The following MON2 variants were observed in gnomAD, a reference collection of about 807,000 sequenced individuals.
MON2 encodes MON2 regulator of endosome-to-Golgi trafficking.
A neutral mutation model predicts 208.6 loss-of-function variants in MON2; 84 were observed. That is an observed-to-expected ratio of 0.40 (90% CI 0.34 to 0.48). The LOEUF (loss-of-function observed/expected upper bound fraction) is 0.48, where lower values mean the gene tolerates loss of function less well. Among genes scored for constraint, MON2 ranks in the 20% least tolerant of loss-of-function variants. The pLI, the probability that MON2 is intolerant of heterozygous loss-of-function variation, is 0.59. For missense variants in MON2, 1,611 were observed against 2,015.4 expected (o/e 0.80, Z 3.84); for synonymous variants, 660 against 694.0 (o/e 0.95, Z 0.77).
At chr12:62,480,691 T>C (rs2069371367) in intron 1 of MON2, among the ~76,000 whole-genome samples, 1 of 152,238 alleles carries the variant, frequency 6.6e-6, no homozygotes, top group African/African-American at 2.4e-5. Context: ...CTATGGCGAA[T>C]TTGAAATCAT....
intron 27 of MON2, 111 bp downstream of exon 27, chr12:62,565,491 C>A: frequency 1.1e-6 from 1 of 941,238 alleles, no homozygotes; most frequent in Non-Finnish European, 1.5e-6. Flanking sequence ...TTTTCACTCA[C>A]AAATATATTT....
At chr12:62,526,442 A>G (rs1314046379) in intron 11 of MON2, among the ~76,000 whole-genome samples, 1 of 152,108 alleles carries the variant, frequency 6.6e-6, no homozygotes, top group African/African-American at 2.4e-5. Context: ...CTGTCAGCAA[A>G]TTAATCTTTT....
At chr12:62,490,463 G>A (rs1043093314) in intron 2 of MON2, among the ~76,000 whole-genome samples, 3 of 151,872 alleles carry the variant, frequency 2.0e-5, no homozygotes, top group African/African-American at 4.8e-5. Flanking sequence ...AGGTATTTAC[G>A]TAAAGCTATC....
intron 11 of MON2, among the ~76,000 whole-genome samples, chr12:62,532,001 C>T (rs2072673197): frequency 6.6e-6 from 1 of 152,026 alleles, no homozygotes; most frequent in South Asian, 2.1e-4. Context: ...GATCTCCTGA[C>T]CTCGTGATCC....
chr12:62,565,252 C>A lies in MON2; in HGVS notation c.4048C>A (p.Pro1350Thr), dbSNP rs890450392. The change falls in exon 27 of 35, where the codon CCA becomes ACA. Residue 1350 changes from proline (P) to threonine (T), a missense_variant. Pro to Thr is a conservative substitution (Grantham distance 38, BLOSUM62 -1). Transcript: ENST00000393630. Reference protein sequence around the residue: ...DVLQKAICVGPENMQIMYPAI... With the variant: ...DVLQKAICVGTENMQIMYPAI... ...GCTTTTATAGGCCATTTGTGTAGGA[C>A]CAGAAAACATGCAGATAATGTATCC... 5.6e-6 allele frequency: 9 copies of A among 1,612,174 alleles called. No homozygotes were observed. Among genetic ancestry groups the A allele is most frequent in the Non-Finnish European group, 7.6e-6 (9 of 1,179,178 alleles).
rs1450011727 is a variant in MON2, at chr12:62,577,240, G to GT, written c.4515-1198dup. Among the ~76,000 whole-genome samples, 14 of 152,072 alleles carry GT rather than the reference G, an allele frequency of 9.2e-5. No individual in the cohort carries two copies. The East Asian group carries it at 2.7e-3, about 29-fold the overall frequency. On this transcript the variant is annotated intron_variant, in intron 30 of 34. Transcript: ENST00000393630. The stretch of plus-strand genomic sequence containing the variant: ...TTCAGGTTTGGGTAAATTTCTTTCA[G>GT]TTTTTTTACTCTAGTTCCTACTACC...
At position 62,497,413 on chromosome 12, in the gene MON2, C is replaced by T. The variant is rs116123330; in HGVS notation, c.436-1506C>T. Among the ~76,000 whole-genome samples, 1,267 of 152,056 alleles carry T rather than the reference C, an allele frequency of 8.3e-3. 17 individuals are homozygous for T. Among genetic ancestry groups the T allele is most frequent in the African/African-American group, 0.028 (1,170 of 41,468 alleles). The stretch of plus-strand genomic sequence containing the variant: ...ATAATATATTCAAATGGGTGACAAA[C>T]ACATGAAAAGAAGTTTAGTGTTATT... On this transcript the variant is annotated intron_variant, in intron 4 of 34. Coordinates refer to ENST00000393630, the MANE Select transcript of MON2 (RefSeq NM_015026.3).
chr12:62,476,625 C>T lies in MON2; in HGVS notation c.112-7545C>T, dbSNP rs139414673. On this transcript the variant is annotated intron_variant, in intron 1 of 34. Transcript: ENST00000393630. ...TAATTTTTTGTATTTTTAGTAGAGACGGGGTTTCACTATGTTGGCCAGGCT... is the reference window on the plus strand; with the variant it reads ...TAATTTTTTGTATTTTTAGTAGAGATGGGGTTTCACTATGTTGGCCAGGCT... Among the ~76,000 whole-genome samples, 399 of 151,942 alleles carry T rather than the reference C, an allele frequency of 2.6e-3. 3 individuals carry two copies. The highest frequency in any genetic ancestry group is 8.9e-3 in the African/African-American group (370 of 41,444).
At chr12:62,499,295 A>AT (rs2070710556) in intron 5 of MON2, among the ~76,000 whole-genome samples, 1 of 152,146 alleles carries the variant, frequency 6.6e-6, no homozygotes, top group Admixed American at 6.5e-5. Flanking sequence ...CATTATATGT[A>AT]TTTTTTAACC....
chr12:62,474,173 C>A (rs2068944624), intron 1 of MON2, among the ~76,000 whole-genome samples: 1 of 149,680 alleles, frequency 6.7e-6, no homozygotes, highest in African/African-American at 2.5e-5. Flanking sequence ...GGCTTAAGTG[C>A]AATGGTGCGA....
intron 30 of MON2, among the ~76,000 whole-genome samples, chr12:62,571,946 G>A (rs2074609756): frequency 6.6e-6 from 1 of 152,196 alleles, no homozygotes; most frequent in Admixed American, 6.5e-5. Flanking sequence ...GAATAAATAG[G>A]ATGAGTGGCA....
At chr12:62,515,117 C>G (rs1015018253) in intron 8 of MON2, among the ~76,000 whole-genome samples, 1 of 152,144 alleles carries the variant, frequency 6.6e-6, no homozygotes, top group Admixed American at 6.5e-5. Context: ...ACCATATGAC[C>G]CAGCAATACT....
At chr12:62,543,232 T>C (rs776809708) in intron 20 of MON2, 34 bp downstream of exon 20, 1 of 1,186,294 alleles carries the variant, frequency 8.4e-7, no homozygotes, top group Admixed American at 2.6e-5. Flanking sequence ...TTTAATTTTT[T>C]AATAAACATT....
intron 27 of MON2, 151 bp from the exon 28 acceptor site, chr12:62,565,863 A>T: frequency 3.1e-6 from 2 of 651,124 alleles, no homozygotes; most frequent in South Asian, 5.5e-5. Context: ...GGCAAATTTT[A>T]ACTTTGTTTA....
chr12:62,566,480 T>G, intron 29 of MON2, 30 bp downstream of exon 29: 1 of 1,587,414 alleles, frequency 6.3e-7, no homozygotes, highest in Non-Finnish European at 8.6e-7. Flanking sequence ...ACACTTTCAT[T>G]AGATGGTGTG....
chr12:62,575,495 G>A (rs1007865797), intron 30 of MON2, among the ~76,000 whole-genome samples: 1 of 152,206 alleles, frequency 6.6e-6, no homozygotes, highest in African/African-American at 2.4e-5. Context: ...GTTTTGGAAA[G>A]TTGCTTGGAA....
At chr12:62,481,456 G>T (rs1268375412) in intron 1 of MON2, among the ~76,000 whole-genome samples, 1 of 151,300 alleles carries the variant, frequency 6.6e-6, no homozygotes, top group African/African-American at 2.4e-5. Context: ...AACCCGGGAG[G>T]CGGAGCTTGC....
chr12:62,565,388 A>G lies in MON2; in HGVS notation c.4176+8A>G, dbSNP rs186453298. On this transcript the variant is annotated splice_region_variant and intron_variant, in intron 27 of 34. Transcript: ENST00000393630. ...AATGCAAAATATAATCAGGTAATTT[A>G]CTGTAAATTTTATTTACTTTGTAAG... 3.2e-5 allele frequency: 51 copies of G among 1,591,228 alleles called. 1 individual carries two copies. The highest frequency in any genetic ancestry group is 1.8e-4 in the Admixed American group (10 of 55,246).
intron 2 of MON2, chr12:62,489,983 A>C: frequency 9.2e-7 from 1 of 1,086,426 alleles, no homozygotes; most frequent in South Asian, 1.5e-5. Flanking sequence ...CTTTTATTAC[A>C]CCTGTTAATA....
Sources: gnomAD v4.1 joint callset for allele counts (sites outside exome capture counted in the v4.1 genomes callset) on GRCh38, gnomAD v4.1.1 for gene constraint, MANE v1.5 for transcripts, NCBI Gene and HGNC (gene_info 2026-07-23, HGNC 2026-07-21) for gene names.